The following SGMS1 variants were observed in gnomAD, a reference collection of about 807,000 sequenced individuals.
SGMS1 encodes phosphatidylcholine:ceramide cholinephosphotransferase 1.
A neutral mutation model predicts 46.2 loss-of-function variants in SGMS1; 13 were observed. The ratio of observed to expected loss-of-function variants is 0.28; its 90% CI spans 0.18 to 0.45. The LOEUF (loss-of-function observed/expected upper bound fraction) is 0.45. Ranked by LOEUF, SGMS1 falls within the 20% of genes least tolerant of loss-of-function variation. The probability of loss-of-function intolerance (pLI) is 1.00; values close to 1 mark genes in which losing one functional copy is unlikely to be tolerated. For missense variants in SGMS1, 324 were observed against 519.9 expected (o/e 0.62, Z 3.66); for synonymous variants, 203 against 187.8 (o/e 1.08, Z -0.66).
intron 6 of SGMS1, among the ~76,000 whole-genome samples, chr10:50,382,590 C>CACAT (rs2133479650): frequency 6.7e-6 from 1 of 150,018 alleles, no homozygotes; most frequent in African/African-American, 2.5e-5. Flanking sequence ...CACACACACA[C>CACAT]ACAACTTCCC....
chr10:50,486,352 G>C (rs1044830280), intron 3 of SGMS1, among the ~76,000 whole-genome samples: 1 of 152,178 alleles, frequency 6.6e-6, no homozygotes, highest in Non-Finnish European at 1.5e-5. Context: ...CACAGCAAAA[G>C]AAAGTATCAT....
intron 5 of SGMS1, among the ~76,000 whole-genome samples, chr10:50,436,988 G>C (rs1000702654): frequency 6.6e-6 from 1 of 152,176 alleles, no homozygotes; most frequent in East Asian, 1.9e-4. Flanking sequence ...ATTTCTGTAA[G>C]CCTCAGTTTC....
At chr10:50,523,882 G>T (rs1207747157) in intron 2 of SGMS1, among the ~76,000 whole-genome samples, 1 of 152,246 alleles carries the variant, frequency 6.6e-6, no homozygotes, top group African/African-American at 2.4e-5. Context: ...CAGTAGATTT[G>T]TGCTCAAGGC....
At chr10:50,495,902 GA>G (rs1837611337) in intron 3 of SGMS1, among the ~76,000 whole-genome samples, 1 of 152,192 alleles carries the variant, frequency 6.6e-6, no homozygotes, top group Non-Finnish European at 1.5e-5. Flanking sequence ...GAACTGAGAT[GA>G]AAGGGAGGAT....
chr10:50,523,736 C>A (rs552208402), intron 2 of SGMS1, among the ~76,000 whole-genome samples: 1 of 152,144 alleles, frequency 6.6e-6, no homozygotes, highest in East Asian at 1.9e-4. Flanking sequence ...AATAAACAGT[C>A]AAAAATAAAA....
intron 5 of SGMS1, among the ~76,000 whole-genome samples, chr10:50,439,511 C>T (rs1049283502): frequency 2.6e-5 from 4 of 152,172 alleles, no homozygotes; most frequent in African/African-American, 7.2e-5. Flanking sequence ...TGTTCCCAGG[C>T]TTCTTTATAA....
chr10:50,527,928 T>C (rs1837918849), intron 2 of SGMS1, among the ~76,000 whole-genome samples: 1 of 152,204 alleles, frequency 6.6e-6, no homozygotes, highest in Non-Finnish European at 1.5e-5. Context: ...ATAAATTACT[T>C]GACCTCTCTC....
At chr10:50,343,353 A>G in intron 7 of SGMS1, 139 bp downstream of exon 7, 1 of 908,990 alleles carries the variant, frequency 1.1e-6, no homozygotes, top group African/African-American at 1.7e-5. Context: ...TTAGTCCAAC[A>G]GGGTATGTGT....
At chr10:50,433,724 A>T (rs1564912350) in intron 5 of SGMS1, among the ~76,000 whole-genome samples, 168 bp from the exon 6 acceptor site, 1 of 152,196 alleles carries the variant, frequency 6.6e-6, no homozygotes, top group Non-Finnish European at 1.5e-5. Flanking sequence ...ACAGAAAATT[A>T]CCTTAAGAGA....
intron 1 of SGMS1, chr10:50,590,752 T>C (rs1838532998): frequency 6.6e-6 from 1 of 152,132 alleles, no homozygotes; most frequent in African/African-American, 2.4e-5. Context: ...ACACATAAGG[T>C]CTACTGTCTT....
At chr10:50,348,729 T>C (rs143473612) in intron 6 of SGMS1, among the ~76,000 whole-genome samples, 2,034 of 152,178 alleles carry the variant, frequency 0.013, 21 homozygotes, top group East Asian at 0.047. Flanking sequence ...ATCATGAAAA[T>C]GGCCATACTG....
At chr10:50,606,720 C>T (rs1349392479) in intron 1 of SGMS1, among the ~76,000 whole-genome samples, 1 of 152,152 alleles carries the variant, frequency 6.6e-6, no homozygotes, top group Non-Finnish European at 1.5e-5. Flanking sequence ...GATGTATGAT[C>T]AATGATTGCA....
intron 8 of SGMS1, among the ~76,000 whole-genome samples, chr10:50,324,550 C>T (rs909380519): frequency 1.3e-5 from 2 of 152,206 alleles, no homozygotes; most frequent in Non-Finnish European, 2.9e-5. Context: ...TACTCGTTCT[C>T]AGTGGAGGAT....
intron 3 of SGMS1, among the ~76,000 whole-genome samples, chr10:50,494,937 G>C (rs1358600856): frequency 6.6e-6 from 1 of 151,426 alleles, no homozygotes; most frequent in South Asian, 2.1e-4. Context: ...TTGGGAGGCT[G>C]AGGCAGGAGA....
At chr10:50,376,822 C>T (rs147904659) in intron 6 of SGMS1, among the ~76,000 whole-genome samples, 1 of 152,116 alleles carries the variant, frequency 6.6e-6, no homozygotes, top group East Asian at 1.9e-4. Context: ...TTTCTTAATC[C>T]AGTCTATCAC....
At chr10:50,455,830 C>T (rs1314068585) in intron 5 of SGMS1, among the ~76,000 whole-genome samples, 1 of 152,200 alleles carries the variant, frequency 6.6e-6, no homozygotes, top group Non-Finnish European at 1.5e-5. Context: ...AAACCAGTCT[C>T]CTGTTGGCCT....
At chr10:50,310,405 C>T (rs1216461376) in intron 9 of SGMS1, among the ~76,000 whole-genome samples, 1 of 152,152 alleles carries the variant, frequency 6.6e-6, no homozygotes, top group East Asian at 1.9e-4. Context: ...TAGTTCATTT[C>T]TAGCACTGTA....
At chr10:50,517,640 G>A (rs4935727) in intron 3 of SGMS1, among the ~76,000 whole-genome samples, 79,327 of 151,904 alleles carry the variant, frequency 0.52, 20,988 homozygotes, top group Admixed American at 0.64. Context: ...GCTGAAAAAT[G>A]TTTAGGGTGG....
At chr10:50,539,095 G>C (rs944494125) in intron 2 of SGMS1, among the ~76,000 whole-genome samples, 2 of 152,234 alleles carry the variant, frequency 1.3e-5, no homozygotes, top group Non-Finnish European at 2.9e-5. Flanking sequence ...AGGGAGGGCA[G>C]AACAGTGACA....
Sources: gnomAD v4.1 joint callset for allele counts (sites outside exome capture counted in the v4.1 genomes callset) on GRCh38, gnomAD v4.1.1 for gene constraint, MANE v1.5 for transcripts, NCBI Gene and HGNC (gene_info 2026-07-23, HGNC 2026-07-21) for gene names.